CACNA1B: variants seen among roughly 807,000 people sequenced by gnomAD.
The protein encoded by CACNA1B is calcium voltage-gated channel subunit alpha1 B, also known as voltage-dependent N-type calcium channel subunit alpha-1B.
CACNA1B carries 70 observed loss-of-function variants against 247.2 expected under a neutral mutation model. That is an observed-to-expected ratio of 0.28 (90% CI 0.23 to 0.35). The LOEUF is 0.35. CACNA1B is among the 10% of genes least tolerant of loss of function. The probability of loss-of-function intolerance (pLI) is 1.00; values close to 1 mark genes in which losing one functional copy is unlikely to be tolerated. For synonymous variants in CACNA1B, 1,231 were observed against 1,294.4 expected, an observed-to-expected ratio of 0.95 and a Z score of 1.05; for missense variants, 2,367 against 3,197.4, an observed-to-expected ratio of 0.74 and a Z score of 6.26.
intron 44 of CACNA1B, 44 bp from the exon 45 acceptor site, chr9:138,120,121 C>T: frequency 1.3e-6 from 2 of 1,506,762 alleles, no homozygotes; most frequent in South Asian, 1.2e-5. Flanking sequence ...TTCCCGCTGA[C>T]CCTGGTGCCT....
rs1041643903 is a variant in CACNA1B, at chr9:137,913,314, AC to A, written c.622+45del. 8 of 1,430,544 alleles carry A rather than the reference AC, an allele frequency of 5.6e-6. No homozygotes were observed. Among genetic ancestry groups the A allele is most frequent in the Middle Eastern group, 1.7e-4 (1 of 5,746 alleles). The allele number at this position is 1,430,544 out of a possible 1,614,324, so 88.6% of individuals were successfully genotyped here. ...AGGCCCAAGCCGGCTTGGAGTAACAACCTCCTCTCCTACCCTCACCACGGAC... is the reference window on the plus strand; with the variant it reads ...AGGCCCAAGCCGGCTTGGAGTAACAACTCCTCTCCTACCCTCACCACGGAC... On this transcript the variant is annotated intron_variant, in intron 4 of 46. Coordinates refer to ENST00000371372, the MANE Select transcript of CACNA1B (RefSeq NM_000718.4). This position sits in a 1 kb window ranked among gnomAD's most constrained non-coding sequence, Gnocchi z 5.2.
Position 138,058,793 on chromosome 9 carries a change from G to C in CACNA1B, c.4473+60G>C. The C allele has an allele frequency of 6.9e-7, 1 of 1,450,836 alleles. No individual in the cohort carries two copies. The highest frequency in any genetic ancestry group is 9.4e-7 in the Non-Finnish European group (1 of 1,058,592). 89.9% of individuals were successfully genotyped at this position (1,450,836 alleles called of 1,614,324 possible). ...CTGCTAGGGATTGGGATCTAACCCT[G>C]AGGCTGAGTGGAGAGTCAGCCTTCT... On this transcript the variant is annotated intron_variant, in intron 29 of 46. Transcript: ENST00000371372. This position sits in a 1 kb window ranked among gnomAD's most constrained non-coding sequence, Gnocchi z 4.7.
At chr9:138,101,018 C>T (rs1961233741) in intron 37 of CACNA1B, 2 of 452,960 alleles carry the variant, frequency 4.4e-6, no homozygotes, top group South Asian at 1.6e-5. Flanking sequence ...TGCGCGAGGT[C>T]GGTCTTCCCA....
chr9:137,904,498 G>A (rs1957275643), intron 3 of CACNA1B, among the ~76,000 whole-genome samples: 1 of 151,316 alleles, frequency 6.6e-6, no homozygotes, highest in African/African-American at 2.4e-5. Flanking sequence ...TCCTGAGGGT[G>A]GAACTACAGG....
chr9:138,024,241 G>A (rs767254711), intron 19 of CACNA1B, among the ~76,000 whole-genome samples: 1 of 152,216 alleles, frequency 6.6e-6, no homozygotes, highest in African/African-American at 2.4e-5. Flanking sequence ...GGCGCAGAGC[G>A]GGGTGTGGGG....
chr9:138,020,879 G>T lies in CACNA1B; in HGVS notation c.2268-2132G>T, dbSNP rs1958836871. 6.6e-6 allele frequency among the ~76,000 whole-genome samples: 1 copy of T among 152,160 alleles called. No homozygotes were observed. The highest frequency in any genetic ancestry group is 2.4e-5 in the African/African-American group (1 of 41,428). On this transcript the variant is annotated intron_variant, in intron 18 of 46. Coordinates refer to ENST00000371372, the MANE Select transcript of CACNA1B (RefSeq NM_000718.4). This position sits in a 1 kb window ranked among gnomAD's most constrained non-coding sequence, Gnocchi z 4.1. ...CTGGAGCCCACCCCACCTTCACACA[G>T]ACCCTGTGCCTCTGCATGTTCCCCA...
At chr9:137,903,839 G>T (rs1022245208) in intron 3 of CACNA1B, among the ~76,000 whole-genome samples, 1 of 152,148 alleles carries the variant, frequency 6.6e-6, no homozygotes, top group Non-Finnish European at 1.5e-5. Context: ...TTGATTGGCG[G>T]CATTTCGATT....
intron 37 of CACNA1B, among the ~76,000 whole-genome samples, chr9:138,098,632 A>T (rs868400148): frequency 6.6e-6 from 1 of 152,232 alleles, no homozygotes. Flanking sequence ...GACTTGGGCC[A>T]GATGGCAGCT....
intron 12 of CACNA1B, among the ~76,000 whole-genome samples, chr9:137,981,189 C>T (rs1046702126): frequency 1.7e-4 from 26 of 152,142 alleles, no homozygotes; most frequent in African/African-American, 5.1e-4. Flanking sequence ...TTCTGACTGG[C>T]GTGAGATGAT....
chr9:138,090,701 CAAAAAAA>C (rs1173964720), intron 36 of CACNA1B, among the ~76,000 whole-genome samples: 422 of 16,500 alleles, frequency 0.026, 1 homozygote, highest in African/African-American at 0.048. Context: ...AACCCATCAG[CAAAAAAA>C]AAAAAAAAAA....
At chr9:137,879,273 C>T (rs1956884400) in intron 2 of CACNA1B, 114 bp downstream of exon 2, 2 of 672,026 alleles carry the variant, frequency 3.0e-6, no homozygotes, top group Admixed American at 2.5e-5. Flanking sequence ...GGGCAGTGCC[C>T]CTCGCGTCTG....
At chr9:138,086,863 C>T (rs973224786) in intron 36 of CACNA1B, among the ~76,000 whole-genome samples, 1 of 151,322 alleles carries the variant, frequency 6.6e-6, no homozygotes, top group Non-Finnish European at 1.5e-5. Flanking sequence ...GCATGGTACA[C>T]ATTAGCTGCT....
At chr9:138,101,756 A>AG (rs1264813146) in intron 37 of CACNA1B, among the ~76,000 whole-genome samples, 1 of 152,182 alleles carries the variant, frequency 6.6e-6, no homozygotes, top group African/African-American at 2.4e-5. Flanking sequence ...CCGTGGGAGG[A>AG]GGGCAAGGCC....
intron 6 of CACNA1B, among the ~76,000 whole-genome samples, chr9:137,946,868 T>C (rs1262560926): frequency 6.6e-6 from 1 of 152,218 alleles, no homozygotes; most frequent in South Asian, 2.1e-4. Context: ...CTGGCTGGCT[T>C]GCCAAAATAC....
chr9:138,060,852 G>A (rs781254858), intron 31 of CACNA1B, among the ~76,000 whole-genome samples: 1 of 152,196 alleles, frequency 6.6e-6, no homozygotes, highest in Non-Finnish European at 1.5e-5. Context: ...AGCAGAGCTG[G>A]TGTTCATCAT....
At chr9:138,034,428 A>G (rs930236212) in intron 20 of CACNA1B, among the ~76,000 whole-genome samples, 2 of 149,734 alleles carry the variant, frequency 1.3e-5, no homozygotes, top group Admixed American at 1.3e-4. Flanking sequence ...TTCTGCTGGT[A>G]TAAGTGGAAG....
chr9:138,122,274 GAGA>G lies in CACNA1B; in HGVS notation c.*278_*280del, dbSNP rs1962129198. On this transcript the variant is annotated 3_prime_UTR_variant, in exon 47 of 47. Transcript: ENST00000371372. ...AAACCGCAGGCTGCTGTGTGTGGCT[GAGA>G]AGGACCCAGGAGTCCAAATCCCGTG... The G allele has an allele frequency of 7.8e-6, 4 of 512,854 alleles. No individual in the cohort carries two copies. In the Admixed American group the frequency reaches 1.0e-4, roughly 13 times the overall value. The allele number at this position is 512,854 out of a possible 1,614,324, so 31.8% of individuals were successfully genotyped here. A position where few individuals can be genotyped will look rare whatever the true frequency, so the allele number is the denominator to read the frequency against.
intron 20 of CACNA1B, among the ~76,000 whole-genome samples, chr9:138,038,827 C>T (rs73669838): frequency 0.018 from 2,695 of 152,284 alleles, 87 homozygotes; most frequent in African/African-American, 0.061. Context: ...TATTTAGAGA[C>T]AGTCATCTGT....
intron 1 of CACNA1B, 42 bp from the exon 2 acceptor site, chr9:137,879,012 C>T: frequency 7.5e-7 from 1 of 1,336,452 alleles, no homozygotes; most frequent in Non-Finnish European, 1.1e-6. Context: ...CCTCGTGTTT[C>T]CCTCCGTGCG....
Sources: gnomAD v4.1 joint callset for allele counts (sites outside exome capture counted in the v4.1 genomes callset) on GRCh38, gnomAD v4.1.1 for gene constraint, Gnocchi (gnomAD v3.1) non-coding constraint, MANE v1.5 for transcripts, NCBI Gene and HGNC (gene_info 2026-07-23, HGNC 2026-07-21) for gene names.